Variants in ABCA13 observed in about 807,000 individuals in gnomAD.
ABCA13 encodes ATP-binding cassette sub-family A member 13.
In ABCA13, 476 loss-of-function variants were observed where a neutral mutation model predicts 478.7. That is an observed-to-expected ratio of 0.99 (90% CI 0.92 to 1.07). The LOEUF (loss-of-function observed/expected upper bound fraction) is 1.07. Among genes scored for constraint, ABCA13 ranks in the 50% least tolerant of loss-of-function variants. The pLI is 0.00. For synonymous variants in ABCA13, 2,252 were observed against 2,158.9 expected (o/e 1.04, Z -1.20); for missense variants, 6,060 against 5,910.6 (o/e 1.03, Z -0.83).
intron 41 of ABCA13, among the ~76,000 whole-genome samples, chr7:48,416,760 C>T (rs1004225113): frequency 2.6e-5 from 4 of 152,020 alleles, no homozygotes; most frequent in Non-Finnish European, 4.4e-5. Flanking sequence ...CTTCCTCACC[C>T]TCCAGGTCCA....
In ABCA13 at chr7:48,406,473, A is replaced by G. The variant is rs1818273873; in HGVS notation, c.12070+2594A>G. Among the ~76,000 whole-genome samples the G allele has an allele frequency of 2.0e-5, 3 of 152,344 alleles. 1 individual carries two copies. In the East Asian group the frequency reaches 5.8e-4, roughly 29 times the overall value. ...TCAATGACAGGTTATCATTATTATT[A>G]TTAAAATAGACAAGGGGCGAATGTG... On this transcript the variant is annotated intron_variant, in intron 39 of 61. Coordinates refer to ENST00000435803, the MANE Select transcript of ABCA13 (RefSeq NM_152701.5).
rs777193783 is a variant in ABCA13 at position 48,246,045 on chromosome 7, A to G, written c.1659+15A>G. The stretch of plus-strand genomic sequence containing the variant: ...TAGAGGATGCTGTAAGTATTCTACC[A>G]TCTTAGCTCTTCTAAGGGCACAAAT... On this transcript the variant is annotated intron_variant, in intron 13 of 61. Transcript: ENST00000435803. The G allele has an allele frequency of 3.2e-5, 51 of 1,608,132 alleles. No homozygotes were observed. The highest frequency in any genetic ancestry group is 3.0e-4 in the Admixed American group (18 of 59,418).
At chr7:48,338,515 G>A in intron 29 of ABCA13, 60 bp downstream of exon 29, 1 of 1,379,810 alleles carries the variant, frequency 7.2e-7, no homozygotes, top group Admixed American at 2.2e-5. Context: ...CCACTTGGGT[G>A]GGTCCTCCCC....
chr7:48,612,380 C>T (rs141540671), intron 58 of ABCA13, among the ~76,000 whole-genome samples: 7 of 152,262 alleles, frequency 4.6e-5, no homozygotes, highest in African/African-American at 1.7e-4. Context: ...ATAACACATG[C>T]TTCCTGTAGA....
At chr7:48,226,763 G>A (rs78014541) in intron 5 of ABCA13, among the ~76,000 whole-genome samples, 4,422 of 152,180 alleles carry the variant, frequency 0.029, 125 homozygotes, top group Admixed American at 0.092. Flanking sequence ...GAAAGCCTCG[G>A]GTATCTAGAG....
chr7:48,531,284 A>G (rs1054321580), intron 55 of ABCA13, among the ~76,000 whole-genome samples: 1 of 152,078 alleles, frequency 6.6e-6, no homozygotes, highest in Non-Finnish European at 1.5e-5. Flanking sequence ...TTGCTTTGTC[A>G]AAGATCAGTT....
At chr7:48,362,879 C>G (rs966102307) in intron 31 of ABCA13, among the ~76,000 whole-genome samples, 1 of 151,990 alleles carries the variant, frequency 6.6e-6, no homozygotes, top group Non-Finnish European at 1.5e-5. Context: ...CTACATTTGC[C>G]AATATTTTAA....
rs754698808 is a variant in ABCA13 at position 48,248,236 on chromosome 7, A to G, written c.1660-3A>G. 6.2e-7 allele frequency: 1 copy of G among 1,609,650 alleles called. No individual in the cohort carries two copies. The highest frequency in any genetic ancestry group is 8.5e-7 in the Non-Finnish European group (1 of 1,176,526). ...ATAAGCAATATCTTCTTTTCTTGTT[A>G]AGGATCGTATTTTGCAAGAGGTCAT... On this transcript the variant is annotated splice_region_variant and splice_polypyrimidine_tract_variant and intron_variant, in intron 13 of 61. Transcript: ENST00000435803.
At chr7:48,489,393 GT>G (rs1563341499) in intron 48 of ABCA13, 49 bp downstream of exon 48, 1 of 1,429,558 alleles carries the variant, frequency 7.0e-7, no homozygotes, top group Non-Finnish European at 9.5e-7. Context: ...AAAAGACAAT[GT>G]TTTTAAAAGT....
chr7:48,458,019 C>G (rs992989577), intron 43 of ABCA13, among the ~76,000 whole-genome samples: 6 of 152,146 alleles, frequency 3.9e-5, no homozygotes, highest in African/African-American at 1.2e-4. Flanking sequence ...GCTATAACTG[C>G]TCTTGTTAGG....
At chr7:48,528,009 A>G (rs1832992308) in intron 54 of ABCA13, among the ~76,000 whole-genome samples, 1 of 152,158 alleles carries the variant, frequency 6.6e-6, no homozygotes, top group Non-Finnish European at 1.5e-5. Flanking sequence ...TGAAATTCTT[A>G]TACCATTCAA....
Position 48,372,377 on chromosome 7 carries a change from T to C in ABCA13, c.11013T>C (p.Phe3671=). The C allele has an allele frequency of 6.2e-7, 1 of 1,613,986 alleles. No individual in the cohort carries two copies. The highest frequency in any genetic ancestry group is 2.2e-5 in the East Asian group (1 of 44,886). The change falls in exon 33 of 62, where the codon TTT becomes TTC. Residue 3671 remains phenylalanine (F), a synonymous_variant. Transcript: ENST00000435803. The stretch of plus-strand genomic sequence containing the variant: ...TGCTGAGCTACCTCTTGAGTGCATT[T>C]TTCAGCCAAGCTAATACAGCGGCCC... ...VVMLSYLLSA[F]FSQANTAALC...
intron 51 of ABCA13, among the ~76,000 whole-genome samples, chr7:48,514,492 A>G (rs1306404949): frequency 6.6e-6 from 1 of 152,206 alleles, no homozygotes; most frequent in Non-Finnish European, 1.5e-5. Context: ...TATAAGTTGG[A>G]GAGAGTTTTC....
At chr7:48,400,632 CTTTAATT>C (rs1817477825) in intron 38 of ABCA13, among the ~76,000 whole-genome samples, 1 of 152,224 alleles carries the variant, frequency 6.6e-6, no homozygotes, top group African/African-American at 2.4e-5. Context: ...TTGCTGTCTT[CTTTAATT>C]TTTAAGTCCA....
chr7:48,457,624 A>T (rs769524916), intron 43 of ABCA13, among the ~76,000 whole-genome samples: 2 of 152,180 alleles, frequency 1.3e-5, no homozygotes, highest in Non-Finnish European at 2.9e-5. Flanking sequence ...TTAAATTGAG[A>T]TATTGGTTTG....
intron 3 of ABCA13, among the ~76,000 whole-genome samples, chr7:48,218,821 G>A (rs1158282761): frequency 6.6e-6 from 1 of 152,214 alleles, no homozygotes; most frequent in Admixed American, 6.5e-5. Context: ...AATATTTGTG[G>A]AAGAGATTTA....
intron 58 of ABCA13, among the ~76,000 whole-genome samples, chr7:48,597,647 G>A (rs1224983713): frequency 6.6e-6 from 1 of 152,118 alleles, no homozygotes. Context: ...AGGCATCCTA[G>A]TGAAGTGGGG....
In ABCA13 at chr7:48,269,089, A is replaced by G. The variant is rs777259993; in HGVS notation, c.2115A>G (p.Ile705Met). 9 of 1,530,834 alleles carry G rather than the reference A, an allele frequency of 5.9e-6. No homozygotes were observed. The highest frequency in any genetic ancestry group is 1.7e-5 in the Admixed American group (1 of 59,264). 94.8% of individuals were successfully genotyped at this position (1,530,834 alleles called of 1,614,324 possible). A position where few individuals can be genotyped will look rare whatever the true frequency, so the allele number is the denominator to read the frequency against. ...TACTCAAGTCTCCAACAGCTTCCAT[A>G]TCCAGGTAAGTTATCAGAATCCAAC... ...NNLLKSPTASISRALNFTKHL... is the reference protein window; with the variant it reads ...NNLLKSPTASMSRALNFTKHL... The change falls in exon 16 of 62, where the codon ATA (isoleucine) becomes ATG (methionine). Residue 705 changes from isoleucine to methionine, a missense_variant. Around this residue, in one of 3 missense-constraint regions of ABCA13, gnomAD observed 4,423 missense variants for 4,309.1 expected, o/e 1.03. Transcript: ENST00000435803.
Position 48,550,320 on chromosome 7 carries a change from G to A in ABCA13, c.14354+21975G>A, listed in dbSNP as rs920760679. On this transcript the variant is annotated intron_variant, in intron 55 of 61. Transcript: ENST00000435803. ...TGCCCAGGCTGGATTGCAGTGGTGCGATGTCAGCTCATTGCAACCTCTCCC... is the reference window on the plus strand; with the variant it reads ...TGCCCAGGCTGGATTGCAGTGGTGCAATGTCAGCTCATTGCAACCTCTCCC... Among the ~76,000 whole-genome samples the A allele has an allele frequency of 1.1e-3, 169 of 149,166 alleles. 1 individual carries two copies. The highest frequency in any genetic ancestry group is 4.0e-3 in the African/African-American group (161 of 40,558).
Sources: allele counts gnomAD v4.1 joint callset (sites outside exome capture counted in the v4.1 genomes callset), GRCh38; gene constraint gnomAD v4.1.1; regional missense constraint gnomAD v4.1.1; transcripts MANE v1.5; gene names NCBI Gene and HGNC (gene_info 2026-07-23, HGNC 2026-07-21).